Variants in TRIO observed in about 807,000 individuals in gnomAD.
The protein encoded by TRIO is trio Rho guanine nucleotide exchange factor, also known as triple functional domain protein.
In TRIO, 58 loss-of-function variants were observed where a neutral mutation model predicts 351.9. The ratio of observed to expected loss-of-function variants is 0.16; its 90% CI spans 0.13 to 0.21. The LOEUF is 0.21. TRIO is among the 10% of genes least tolerant of loss of function. The pLI is 1.00. For missense variants in TRIO, 3,201 were observed against 4,027.8 expected, an observed-to-expected ratio of 0.79 and a Z score of 5.56; for synonymous variants, 1,758 against 1,595.7, an observed-to-expected ratio of 1.10 and a Z score of -2.42.
intron 11 of TRIO, among the ~76,000 whole-genome samples, chr5:14,349,902 A>G (rs1035294663): frequency 5.3e-5 from 8 of 152,026 alleles, no homozygotes; most frequent in African/African-American, 1.9e-4. Flanking sequence ...AGTAGGTCCT[A>G]GTGTCTGTTG....
Position 14,270,908 on chromosome 5 carries a change from T to G in TRIO, c.232+9T>G. On this transcript the variant is annotated intron_variant, in intron 2 of 56. Transcript: ENST00000344204. ...AGTTGCATACCTTTCAGGTAAAGTT[T>G]AACTTTCAACTCTGCTCTATCCAAC... 1 of 1,606,046 alleles carries G rather than the reference T, an allele frequency of 6.2e-7. No homozygotes were observed. The highest frequency in any genetic ancestry group is 1.1e-5 in the South Asian group (1 of 90,874).
intron 1 of TRIO, among the ~76,000 whole-genome samples, chr5:14,155,423 T>C (rs1788048744): frequency 6.6e-6 from 1 of 152,238 alleles, no homozygotes; most frequent in African/African-American, 2.4e-5. Flanking sequence ...TCTAAATCAC[T>C]AACTTTAACA....
At chr5:14,443,543 C>T (rs1173592652) in intron 34 of TRIO, among the ~76,000 whole-genome samples, 3 of 152,194 alleles carry the variant, frequency 2.0e-5, no homozygotes, top group African/African-American at 4.8e-5. Context: ...TTACAGTGCC[C>T]ATGAAATCAC....
chr5:14,404,808 G>T (rs1748561309), intron 31 of TRIO, among the ~76,000 whole-genome samples: 4 of 152,056 alleles, frequency 2.6e-5, no homozygotes. Context: ...CAGGTCCTCT[G>T]GTTAAAACGG....
At chr5:14,242,392 T>C (rs1794183130) in intron 1 of TRIO, among the ~76,000 whole-genome samples, 1 of 152,228 alleles carries the variant, frequency 6.6e-6, no homozygotes, top group African/African-American at 2.4e-5. Flanking sequence ...AAGATACCAA[T>C]CTTATACAAA....
chr5:14,154,485 C>T (rs1455285719), intron 1 of TRIO, among the ~76,000 whole-genome samples: 2 of 152,014 alleles, frequency 1.3e-5, no homozygotes, highest in Non-Finnish European at 2.9e-5. Context: ...AAAATGTGCA[C>T]GTAGATGATA....
intron 34 of TRIO, among the ~76,000 whole-genome samples, chr5:14,452,288 C>T (rs1334105222): frequency 2.6e-5 from 4 of 152,254 alleles, no homozygotes; most frequent in African/African-American, 9.6e-5. Context: ...CTTCCTCAGC[C>T]TTCTGCAGCT....
At chr5:14,439,164 T>C (rs1482908728) in intron 34 of TRIO, among the ~76,000 whole-genome samples, 3 of 152,180 alleles carry the variant, frequency 2.0e-5, no homozygotes, top group Non-Finnish European at 4.4e-5. Context: ...TATAAGCATG[T>C]GCCGTCATGC....
At chr5:14,418,310 C>T (rs16903497) in intron 33 of TRIO, among the ~76,000 whole-genome samples, 17,212 of 151,896 alleles carry the variant, frequency 0.11, 1,406 homozygotes, top group African/African-American at 0.24. Flanking sequence ...AAGAGGATGA[C>T]GTGTTTTTAG....
Position 14,353,428 on chromosome 5 carries a change from A to G in TRIO, c.2047-4750A>G, listed in dbSNP as rs981122602. Among the ~76,000 whole-genome samples the G allele has an allele frequency of 3.3e-4, 50 of 151,616 alleles. 1 individual carries two copies. Among genetic ancestry groups the G allele is most frequent in the Non-Finnish European group, 1.5e-4 (10 of 67,902 alleles). Reference sequence around the variant, plus strand: ...CATGTGTGTGCCACCACGCCCAGCTATTTTTTTGTATTTTTAGTAGAGACA... The same window carrying G: ...CATGTGTGTGCCACCACGCCCAGCTGTTTTTTTGTATTTTTAGTAGAGACA... On this transcript the variant is annotated intron_variant, in intron 11 of 56. Coordinates refer to ENST00000344204, the MANE Select transcript of TRIO (RefSeq NM_007118.4).
chr5:14,226,907 C>CTCTCCTCCTCCCTGGTTTTTGCAGT (rs1266553030), intron 1 of TRIO, among the ~76,000 whole-genome samples: 2 of 152,208 alleles, frequency 1.3e-5, no homozygotes, highest in African/African-American at 4.8e-5. Flanking sequence ...GTTTCTGCAG[C>CTCTCCTCCTCCCTGGTTTTTGCAGT]TCTCCTCCCT....
intron 35 of TRIO, among the ~76,000 whole-genome samples, chr5:14,461,551 A>G (rs2126500366): frequency 6.6e-6 from 1 of 152,296 alleles, no homozygotes; most frequent in Middle Eastern, 3.4e-3. Flanking sequence ...AAACAAACAA[A>G]CAAAACAGAT....
chr5:14,348,808 A>G (rs1279994753), intron 11 of TRIO, among the ~76,000 whole-genome samples: 1 of 89,156 alleles, frequency 1.1e-5, no homozygotes, highest in Non-Finnish European at 2.7e-5. Context: ...GCACGTGAGC[A>G]TGTGTTTTTC....
chr5:14,473,407 A>AAAG (rs1561531528), intron 39 of TRIO, among the ~76,000 whole-genome samples: 1 of 152,026 alleles, frequency 6.6e-6, no homozygotes, highest in East Asian at 1.9e-4. Context: ...TGCATAACAC[A>AAAG]AAAGATTTAA....
Position 14,420,062 on chromosome 5 carries a change from A to C in TRIO, c.5203+41A>C, listed in dbSNP as rs757989796. 24 of 1,597,244 alleles carry C rather than the reference A, an allele frequency of 1.5e-5. No individual in the cohort carries two copies. The Admixed American group carries it at 4.0e-4, about 27-fold the overall frequency. On this transcript the variant is annotated intron_variant, in intron 34 of 56. Transcript: ENST00000344204. Reference sequence around the variant, plus strand: ...GCATGGGTGGCAGACCCCTACTGGAAGTGGCCCTGGAGCGCTCTGTCTCCG... The same window carrying C: ...GCATGGGTGGCAGACCCCTACTGGACGTGGCCCTGGAGCGCTCTGTCTCCG...
chr5:14,337,289 C>T (rs1369876272), intron 11 of TRIO, among the ~76,000 whole-genome samples: 2 of 152,146 alleles, frequency 1.3e-5, no homozygotes, highest in East Asian at 3.8e-4. Flanking sequence ...TTATACCTTG[C>T]ATATATGTTA....
chr5:14,348,667 ATGTG>A (rs772383359), intron 11 of TRIO, among the ~76,000 whole-genome samples: 1 of 144,322 alleles, frequency 6.9e-6, no homozygotes. Flanking sequence ...CTGTGTGTAT[ATGTG>A]TGTGTACGCA....
Position 14,358,347 on chromosome 5 carries a change from G to C in TRIO, c.2216G>C (p.Arg739Thr), listed in dbSNP as rs1400935442. The change falls in exon 12 of 57, where the codon AGG becomes ACG. Residue 739 changes from arginine to threonine, a missense_variant and splice_region_variant. Transcript: ENST00000344204. ...KEGEDLIQQLRDSAISSNKTP... is the reference protein window; with the variant it reads ...KEGEDLIQQLTDSAISSNKTP... The stretch of plus-strand genomic sequence containing the variant: ...GGGGAGGACCTCATCCAGCAGCTCA[G>C]GTGGGCCTCACCCCTCTCCTGGTCC... The C allele has an allele frequency of 6.2e-7, 1 of 1,614,006 alleles. No homozygotes were observed. The highest frequency in any genetic ancestry group is 8.5e-7 in the Non-Finnish European group (1 of 1,179,902).
At chr5:14,298,164 G>C (rs533014302) in intron 7 of TRIO, among the ~76,000 whole-genome samples, 1 of 152,176 alleles carries the variant, frequency 6.6e-6, no homozygotes, top group Non-Finnish European at 1.5e-5. Flanking sequence ...GGCTTCATTT[G>C]TTGACAGATG....
Sources: gnomAD v4.1 joint callset for allele counts (sites outside exome capture counted in the v4.1 genomes callset) on GRCh38, gnomAD v4.1.1 for gene constraint, MANE v1.5 for transcripts, NCBI Gene and HGNC (gene_info 2026-07-23, HGNC 2026-07-21) for gene names.